Variants in ARL1 observed in about 807,000 individuals in gnomAD.
The protein encoded by ARL1 is ARF like GTPase 1, also known as ADP-ribosylation factor-like protein 1.
A neutral mutation model predicts 30.1 loss-of-function variants in ARL1; 17 were observed. The observed-to-expected ratio is 0.56, with a 90% CI of 0.39 to 0.85. The LOEUF is 0.85. Ranked by LOEUF, ARL1 falls within the 40% of genes least tolerant of loss-of-function variation. The pLI, the probability that ARL1 is intolerant of heterozygous loss-of-function variation, is 0.00. For synonymous variants in ARL1, 58 were observed against 71.7 expected (o/e 0.81, Z 0.97); for missense variants, 102 against 212.6 (o/e 0.48, Z 3.24).
At chr12:101,407,452 G>A (rs937721993) in intron 1 of ARL1, 190 bp downstream of exon 1, 1 of 691,456 alleles carries the variant, frequency 1.4e-6, no homozygotes, top group Non-Finnish European at 2.4e-6. Context: ...GAGAGAGGAC[G>A]GAGGAGAACG....
At position 101,394,835 on chromosome 12, in the gene ARL1, T is replaced by C. The variant is rs1001658759; in HGVS notation, c.*805A>G. ...GTCAATACTGACATTTTTGGGAATA[T>C]ATAGTATAGTTTATGAGTCAAGCTT... On this transcript the variant is annotated 3_prime_UTR_variant, in exon 6 of 6. Transcript: ENST00000261636. The C allele has an allele frequency of 6.6e-6, 1 of 152,198 alleles. No individual in the cohort carries two copies. The highest frequency in any genetic ancestry group is 6.5e-5 in the Admixed American group (1 of 15,274). The allele number at this position is 152,198 out of a possible 1,614,324, so 9.4% of individuals were successfully genotyped here. A position where few individuals can be genotyped will look rare whatever the true frequency, so the allele number is the denominator to read the frequency against.
At chr12:101,396,340 C>T (rs768976320) in intron 5 of ARL1, 59 bp downstream of exon 5, 40 of 1,592,346 alleles carry the variant, frequency 2.5e-5, no homozygotes, top group Non-Finnish European at 3.2e-5. Context: ...TACACGTGGA[C>T]GTGCATAGCT....
Position 101,395,436 on chromosome 12 carries a change from A to G in ARL1, c.*204T>C. The G allele has an allele frequency of 2.0e-6, 1 of 506,860 alleles. No homozygotes were observed. The highest frequency in any genetic ancestry group is 3.5e-6 in the Non-Finnish European group (1 of 286,482). 31.4% of individuals were successfully genotyped at this position (506,860 alleles called of 1,614,324 possible). ...AGAAAGCAAGAAAAGAATATTTTAC[A>G]TTACATAGAACATTCAGGTGATTCG... On this transcript the variant is annotated 3_prime_UTR_variant, in exon 6 of 6. Coordinates refer to ENST00000261636, the MANE Select transcript of ARL1 (RefSeq NM_001177.6).
At chr12:101,407,452 G>T in intron 1 of ARL1, 190 bp downstream of exon 1, 1 of 691,456 alleles carries the variant, frequency 1.4e-6, no homozygotes, top group Non-Finnish European at 2.4e-6. Flanking sequence ...GAGAGAGGAC[G>T]GAGGAGAACG....
intron 4 of ARL1, among the ~76,000 whole-genome samples, chr12:101,398,535 C>T (rs554505746): frequency 2.6e-5 from 4 of 152,040 alleles, no homozygotes; most frequent in South Asian, 2.1e-4. Context: ...CTGCAACCTC[C>T]GCCTCCTGGG....
Position 101,399,860 on chromosome 12 carries a change from T to C in ARL1, c.336+1202A>G, listed in dbSNP as rs369445258. ...ATTAAGTACTATACATTGTTCCTCC[T>C]ATCAGGGTAAACTCAAAGAACTTAC... On this transcript the variant is annotated intron_variant, in intron 4 of 5. Transcript: ENST00000261636. 5.3e-5 allele frequency among the ~76,000 whole-genome samples: 8 copies of C among 152,330 alleles called. No homozygotes were observed. In the South Asian group the frequency reaches 1.5e-3, roughly 28 times the overall value.
chr12:101,399,222 C>T (rs961771905), intron 4 of ARL1, among the ~76,000 whole-genome samples: 4 of 151,980 alleles, frequency 2.6e-5, no homozygotes, highest in Non-Finnish European at 5.9e-5. Flanking sequence ...CTGGGCTGAG[C>T]GCGGTGGCTC....
At chr12:101,407,781 T>A, upstream of ARL1, 2 of 1,320,364 alleles carry the variant, frequency 1.5e-6, no homozygotes, top group South Asian at 1.2e-5. Context: ...GGAGCGAGGG[T>A]CAGCTGCGAC....
Position 101,401,360 on chromosome 12 carries a change from G to C in ARL1, c.225-187C>G. On this transcript the variant is annotated intron_variant, in intron 3 of 5. Coordinates refer to ENST00000261636, the MANE Select transcript of ARL1 (RefSeq NM_001177.6). Reference sequence around the variant, plus strand: ...AAAGAATGTTGATAAACATTGGCTGGGCACGGTGGCTCACATCTGTAATCC... The same window carrying C: ...AAAGAATGTTGATAAACATTGGCTGCGCACGGTGGCTCACATCTGTAATCC... 3 of 456,616 alleles carry C rather than the reference G, an allele frequency of 6.6e-6. No individual in the cohort carries two copies. In the Admixed American group the frequency reaches 1.2e-4, roughly 18 times the overall value. 28.3% of individuals were successfully genotyped at this position (456,616 alleles called of 1,614,324 possible).
intron 3 of ARL1, 62 bp downstream of exon 3, chr12:101,402,803 T>C (rs1365664901): frequency 5.8e-6 from 7 of 1,206,828 alleles, no homozygotes; most frequent in Non-Finnish European, 8.3e-6. Context: ...TTACTGATTT[T>C]AACCCTTAAA....
chr12:101,395,520 C>T lies in ARL1; in HGVS notation c.*120G>A. 1.4e-6 allele frequency: 1 copy of T among 715,864 alleles called. No individual in the cohort carries two copies. The highest frequency in any genetic ancestry group is 2.3e-6 in the Non-Finnish European group (1 of 440,260). The allele number at this position is 715,864 out of a possible 1,614,324, so 44.3% of individuals were successfully genotyped here. A position where few individuals can be genotyped will look rare whatever the true frequency, so the allele number is the denominator to read the frequency against. On this transcript the variant is annotated 3_prime_UTR_variant, in exon 6 of 6. Coordinates refer to ENST00000261636, the MANE Select transcript of ARL1 (RefSeq NM_001177.6). The stretch of plus-strand genomic sequence containing the variant: ...CCCTATTTACTACAAATATTGCAGT[C>T]AGTCAGTATATGCCAATAATCATAT...
chr12:101,399,466 C>T (rs558540721), intron 4 of ARL1, among the ~76,000 whole-genome samples: 45 of 139,056 alleles, frequency 3.2e-4, no homozygotes, highest in African/African-American at 1.3e-3. Flanking sequence ...GAGTGGAGAT[C>T]ACGCCACTCA....
chr12:101,400,935 C>A (rs1871289046), intron 4 of ARL1, 127 bp downstream of exon 4: 2 of 671,934 alleles, frequency 3.0e-6, no homozygotes, highest in East Asian at 2.8e-5. Context: ...AATAGAAAAT[C>A]ATTTCCATAA....
rs374438987 is a variant in ARL1 at position 101,402,896 on chromosome 12, C to G, written c.193G>C (p.Val65Leu). 2.5e-6 allele frequency: 4 copies of G among 1,612,860 alleles called. No individual in the cohort carries two copies. Among genetic ancestry groups the G allele is most frequent in the Non-Finnish European group, 3.4e-6 (4 of 1,179,176 alleles). Residue 65 changes from valine (V) to leucine (L), a missense_variant, in exon 3 of 6, where the codon GTC becomes CTC. Physicochemically the swap from Val to Leu is conservative, Grantham distance 32 (BLOSUM62 1). Transcript: ENST00000261636. ...CTTGTCTGTCCTCCTAAATCCCAGA[C>G]TTGGAATTTAAGGTTTTTGTACGTC... ...TVTYKNLKFQ[V>L]WDLGGQTSIR...
At chr12:101,396,243 G>A in intron 5 of ARL1, 156 bp downstream of exon 5, 1 of 903,568 alleles carries the variant, frequency 1.1e-6, no homozygotes, top group Non-Finnish European at 1.8e-6. Flanking sequence ...AGATGCACCT[G>A]AAGACCAGTG....
At chr12:101,402,083 G>A (rs1240851677) in intron 3 of ARL1, among the ~76,000 whole-genome samples, 3 of 152,294 alleles carry the variant, frequency 2.0e-5, no homozygotes, top group African/African-American at 4.8e-5. Flanking sequence ...TGGTACTATC[G>A]TGACCAACTA....
At chr12:101,397,625 G>C (rs368025422) in intron 4 of ARL1, among the ~76,000 whole-genome samples, 1 of 151,928 alleles carries the variant, frequency 6.6e-6, no homozygotes, top group South Asian at 2.1e-4. Flanking sequence ...TCAGCCTCCT[G>C]AGTAGCTGGG....
At chr12:101,404,099 A>G (rs1871376207) in intron 2 of ARL1, among the ~76,000 whole-genome samples, 1 of 152,254 alleles carries the variant, frequency 6.6e-6, no homozygotes. Context: ...TAACAATACT[A>G]TGACAAATTT....
At chr12:101,400,487 T>C (rs1299058173) in intron 4 of ARL1, 6 of 152,160 alleles carry the variant, frequency 3.9e-5, no homozygotes, top group Admixed American at 2.6e-4. Flanking sequence ...ATAAGACTTC[T>C]TTCTGGGGAA....
Sources: allele counts gnomAD v4.1 joint callset (sites outside exome capture counted in the v4.1 genomes callset), GRCh38; gene constraint gnomAD v4.1.1; transcripts MANE v1.5; gene names NCBI Gene and HGNC (gene_info 2026-07-23, HGNC 2026-07-21).